The following OLFM2 variants were observed in gnomAD, a reference collection of about 807,000 sequenced individuals.
OLFM2 encodes olfactomedin 2.
Under a neutral mutation model 43.9 loss-of-function variants are expected in OLFM2, and 20 were observed. The observed-to-expected ratio is 0.46, with a 90% confidence interval of 0.32 to 0.66. OLFM2 has a LOEUF of 0.66. Ranked by LOEUF, OLFM2 falls within the 30% of genes least tolerant of loss-of-function variation. The probability of loss-of-function intolerance (pLI) is 0.04; values close to 1 mark genes in which losing one functional copy is unlikely to be tolerated. For synonymous variants in OLFM2, 268 were observed against 278.6 expected (o/e 0.96, Z 0.38); for missense variants, 416 against 643.6 (o/e 0.65, Z 3.83).
intron 1 of OLFM2, among the ~76,000 whole-genome samples, chr19:9,893,996 A>C (rs1376054274): frequency 6.6e-6 from 1 of 151,958 alleles, no homozygotes; most frequent in Non-Finnish European, 1.5e-5. Flanking sequence ...GAGAGCATTC[A>C]AGAGGGTTTT....
At position 9,895,044 on chromosome 19, in the gene OLFM2, G is replaced by A. The variant is rs376103848; in HGVS notation, c.64-34250C>T. Among the ~76,000 whole-genome samples, 42 of 151,976 alleles carry A rather than the reference G, an allele frequency of 2.8e-4. 1 individual carries two copies. The highest frequency in any genetic ancestry group is 9.9e-4 in the African/African-American group (41 of 41,432). The stretch of plus-strand genomic sequence containing the variant: ...CACCATCTCCATCCTCCCCACCCCC[G>A]GGCCAGTGGGTCAGACACCCGGGCA... On this transcript the variant is annotated intron_variant, in intron 1 of 5. Transcript: ENST00000264833.
At chr19:9,874,877 G>T (rs2046472283) in intron 1 of OLFM2, among the ~76,000 whole-genome samples, 2 of 152,158 alleles carry the variant, frequency 1.3e-5, no homozygotes, top group Non-Finnish European at 2.9e-5. Context: ...GCCTCACAAA[G>T]TGCTGGGATT....
chr19:9,911,690 C>A (rs1219528692), intron 1 of OLFM2, among the ~76,000 whole-genome samples: 1 of 152,126 alleles, frequency 6.6e-6, no homozygotes, highest in Admixed American at 6.6e-5. Flanking sequence ...AAAATCATAA[C>A]TCATAGACAT....
intron 1 of OLFM2, among the ~76,000 whole-genome samples, chr19:9,915,161 A>G (rs1020591718): frequency 1.3e-5 from 2 of 152,072 alleles, no homozygotes; most frequent in African/African-American, 4.8e-5. Flanking sequence ...CTGAGCATCT[A>G]CTATGTCCCA....
chr19:9,864,525 T>C (rs2145438466), intron 1 of OLFM2, among the ~76,000 whole-genome samples: 1 of 152,292 alleles, frequency 6.6e-6, no homozygotes, highest in Middle Eastern at 3.4e-3. Context: ...GGTCTCGAAC[T>C]CCTGGCCTCA....
At chr19:9,895,190 C>T (rs1038365596) in intron 1 of OLFM2, among the ~76,000 whole-genome samples, 1 of 152,096 alleles carries the variant, frequency 6.6e-6, no homozygotes, top group Non-Finnish European at 1.5e-5. Flanking sequence ...GCCACTTTCA[C>T]AATTCAGCAA....
chr19:9,857,442 G>C lies in OLFM2; in HGVS notation c.401C>G (p.Ser134Trp), dbSNP rs376109829. 2.5e-5 allele frequency: 40 copies of C among 1,613,942 alleles called. No individual in the cohort carries two copies. The highest frequency in any genetic ancestry group is 3.1e-5 in the Non-Finnish European group (37 of 1,180,040). ...DRMTELLPLS[S>W]VLEQYKADTR... is the part of the protein sequence containing the mutation. ...GTCTGCCTTGTACTGCTCCAGGACC[G>C]AGCTCAGGGGCAACAGTTCCGTCAT... Residue 134 changes from serine (S) to tryptophan (W), a missense_variant, in exon 4 of 6, where the codon TCG becomes TGG. Transcript: ENST00000264833. The surrounding 1 kb of genome is among the most constrained non-coding windows in gnomAD (Gnocchi z 5.7).
At chr19:9,903,309 C>T (rs565853354) in intron 1 of OLFM2, among the ~76,000 whole-genome samples, 2 of 152,302 alleles carry the variant, frequency 1.3e-5, no homozygotes, top group Admixed American at 6.5e-5. Flanking sequence ...TGAACGCCTC[C>T]CTGTGAACAC....
chr19:9,918,835 G>C (rs1409051281), intron 1 of OLFM2, among the ~76,000 whole-genome samples: 2 of 152,180 alleles, frequency 1.3e-5, no homozygotes, highest in African/African-American at 2.4e-5. Context: ...CAGACAGAAA[G>C]TAGACGAGAG....
At chr19:9,897,547 C>T (rs980288827) in intron 1 of OLFM2, among the ~76,000 whole-genome samples, 2 of 152,006 alleles carry the variant, frequency 1.3e-5, no homozygotes, top group African/African-American at 4.8e-5. Context: ...AATAAATACA[C>T]GAATGGATAA....
rs556830584 is a variant in OLFM2, at chr19:9,909,555, A to AC, written c.63+26748dup. Reference sequence around the variant, plus strand: ...GAGGAGGAAGCCAGAGAGAAGCAGGACCCCCAAGGCTCTACGCTCACCGCC... The same window carrying AC: ...GAGGAGGAAGCCAGAGAGAAGCAGGACCCCCCAAGGCTCTACGCTCACCGCC... On this transcript the variant is annotated intron_variant, in intron 1 of 5. Coordinates refer to ENST00000264833, the MANE Select transcript of OLFM2 (RefSeq NM_058164.4). 2.9e-3 allele frequency among the ~76,000 whole-genome samples: 406 copies of AC among 139,372 alleles called. 3 individuals carry two copies. The highest frequency in any genetic ancestry group is 0.029 in the Admixed American group (385 of 13,288). The allele number at this position is 139,372 out of a possible 152,430, so 91.4% of individuals were successfully genotyped here.
chr19:9,919,713 C>T (rs1365579965), intron 1 of OLFM2, among the ~76,000 whole-genome samples: 1 of 150,634 alleles, frequency 6.6e-6, no homozygotes, highest in Non-Finnish European at 1.5e-5. Flanking sequence ...AACTCCTGAC[C>T]TCAGGTGATC....
At chr19:9,929,366 G>A (rs974890220) in intron 1 of OLFM2, among the ~76,000 whole-genome samples, 1 of 152,222 alleles carries the variant, frequency 6.6e-6, no homozygotes, top group African/African-American at 2.4e-5. Flanking sequence ...GCTGAGGCGG[G>A]TGGATCACCT....
intron 1 of OLFM2, among the ~76,000 whole-genome samples, chr19:9,864,052 A>G (rs1214537027): frequency 6.6e-6 from 1 of 152,208 alleles, no homozygotes; most frequent in Non-Finnish European, 1.5e-5. Context: ...GATTGGCCAC[A>G]GCCAAGAGCT....
intron 1 of OLFM2, among the ~76,000 whole-genome samples, chr19:9,934,374 T>C (rs1447942041): frequency 2.0e-5 from 3 of 151,796 alleles, no homozygotes; most frequent in African/African-American, 7.3e-5. Context: ...TCCACTGACC[T>C]CGTTAGTCCC....
intron 1 of OLFM2, among the ~76,000 whole-genome samples, chr19:9,891,102 T>C (rs1201635660): frequency 6.6e-6 from 1 of 151,898 alleles, no homozygotes; most frequent in Non-Finnish European, 1.5e-5. Context: ...TCACCTGAGG[T>C]CAGGAGTTCA....
rs1477048315 is a variant in OLFM2, at chr19:9,854,228, A to G, written c.1323T>C (p.Asn441=). 1 of 1,613,962 alleles carries G rather than the reference A, an allele frequency of 6.2e-7. No individual in the cohort carries two copies. Among genetic ancestry groups the G allele is most frequent in the African/African-American group, 1.3e-5 (1 of 74,880 alleles). The change falls in exon 6 of 6, where the codon AAT becomes AAC. Residue 441 remains asparagine, a synonymous_variant. Coordinates refer to ENST00000264833, the MANE Select transcript of OLFM2 (RefSeq NM_058164.4). The surrounding 1 kb of genome is among the most constrained non-coding windows in gnomAD (Gnocchi z 9.5). The stretch of plus-strand genomic sequence containing the variant: ...TGCTGATGACGTGAAACAGGGTGAC[A>G]TTGTAGAGCACCTGGTGGCCGTTGT... The part of the protein sequence containing the change: ...TWNNGHQVLY[N]VTLFHVISTS...
intron 1 of OLFM2, among the ~76,000 whole-genome samples, chr19:9,932,610 CA>C (rs1049701368): frequency 1.3e-5 from 2 of 151,950 alleles, no homozygotes; most frequent in Non-Finnish European, 2.9e-5. Context: ...AAATAGCTAC[CA>C]GGGGGAACAG....
intron 1 of OLFM2, among the ~76,000 whole-genome samples, chr19:9,902,953 C>T (rs765635630): frequency 3.9e-5 from 6 of 151,908 alleles, no homozygotes; most frequent in South Asian, 2.1e-4. Flanking sequence ...GCTGGGACCA[C>T]GGGCGGGTAC....
Sources: allele counts gnomAD v4.1 joint callset (sites outside exome capture counted in the v4.1 genomes callset), GRCh38; gene constraint gnomAD v4.1.1; non-coding constraint Gnocchi (gnomAD v3.1); transcripts MANE v1.5; gene names NCBI Gene and HGNC (gene_info 2026-07-23, HGNC 2026-07-21).